The following TANGO6 variants were observed in gnomAD, a reference collection of about 807,000 sequenced individuals.
TANGO6 encodes transport and golgi organization 6 homolog, also known as transport and Golgi organization protein 6 homolog.
In TANGO6, 90 loss-of-function variants were observed where a neutral mutation model predicts 114.2. That is an observed-to-expected ratio of 0.79 (90% confidence interval 0.66 to 0.94). TANGO6 has a LOEUF of 0.94. TANGO6 is among the 40% of genes least tolerant of loss of function. TANGO6 has a pLI of 0.00. For missense variants in TANGO6, 1,274 were observed against 1,315.3 expected (o/e 0.97, Z 0.49); for synonymous variants, 477 against 509.8 (o/e 0.94, Z 0.87).
At chr16:69,023,077 A>G (rs1959439737) in intron 16 of TANGO6, 98 bp downstream of exon 16, 2 of 1,281,858 alleles carry the variant, frequency 1.6e-6, no homozygotes, top group East Asian at 5.3e-5. Flanking sequence ...CTTTTTGCAG[A>G]TCTGCCACTG....
chr16:68,999,456 T>A (rs1964020480), intron 15 of TANGO6, among the ~76,000 whole-genome samples: 1 of 152,210 alleles, frequency 6.6e-6, no homozygotes, highest in South Asian at 2.1e-4. Context: ...TTTGAAAGCA[T>A]GCCATTCCAG....
chr16:69,062,787 TAAAAAAA>T (rs35731381), intron 17 of TANGO6, among the ~76,000 whole-genome samples: 58 of 113,728 alleles, frequency 5.1e-4, no homozygotes, highest in African/African-American at 1.7e-3. Context: ...AAAAGAAATT[TAAAAAAA>T]AAAAAAAAAA....
intron 17 of TANGO6, among the ~76,000 whole-genome samples, chr16:69,048,608 A>G (rs1401894155): frequency 2.0e-5 from 3 of 152,130 alleles, no homozygotes; most frequent in African/African-American, 4.8e-5. Context: ...TTTTAATCAC[A>G]TGAGCTCAGT....
At chr16:69,022,644 C>T (rs1272649236) in intron 15 of TANGO6, among the ~76,000 whole-genome samples, 184 bp from the exon 16 acceptor site, 1 of 151,698 alleles carries the variant, frequency 6.6e-6, no homozygotes, top group Non-Finnish European at 1.5e-5. Flanking sequence ...GTCAAGGCTG[C>T]AGTGAGCTGT....
At chr16:68,915,170 T>A (rs1295947707) in intron 11 of TANGO6, among the ~76,000 whole-genome samples, 1 of 127,204 alleles carries the variant, frequency 7.9e-6, no homozygotes, top group African/African-American at 3.2e-5. Context: ...CTAAACTCTG[T>A]CTCAAAAAAA....
At chr16:68,907,715 A>G (rs536731121) in intron 10 of TANGO6, 140 bp downstream of exon 10, 2 of 1,069,380 alleles carry the variant, frequency 1.9e-6, no homozygotes, top group African/African-American at 3.2e-5. Context: ...ACATAAAGGA[A>G]TTTATTTTTT....
intron 17 of TANGO6, among the ~76,000 whole-genome samples, chr16:69,074,804 G>C (rs1597081070): frequency 8.4e-6 from 1 of 118,846 alleles, no homozygotes; most frequent in Non-Finnish European, 1.8e-5. Context: ...ATGCCTGTGT[G>C]TGTGTGTGTG....
At chr16:68,913,073 C>CAAA (rs979992402) in intron 11 of TANGO6, among the ~76,000 whole-genome samples, 1 of 72,092 alleles carries the variant, frequency 1.4e-5, no homozygotes, top group Non-Finnish European at 2.8e-5. Flanking sequence ...GAGTGAGACT[C>CAAA]AAAAAAAAAA....
In TANGO6 at chr16:68,862,979, G is replaced by C; in HGVS notation, c.770G>C (p.Gly257Ala). Reference protein sequence around the residue: ...LTEEERTLSRGALRDMLDQVY... With the variant: ...LTEEERTLSRAALRDMLDQVY... ...GAAGAGGAGAGAACCCTATCCAGGG[G>C]GGCCTTGAGAGACATGCTGGATCAA... Residue 257 changes from glycine to alanine, a missense_variant, in exon 3 of 18, where the codon GGG becomes GCG. By Grantham distance (60) the Gly-to-Ala change is moderately conservative. This residue lies in a region of TANGO6 where 908 missense variants were observed against 910.2 expected (regional missense o/e 1.00). Transcript: ENST00000261778. 6.3e-7 allele frequency: 1 copy of C among 1,599,836 alleles called. No individual in the cohort carries two copies. The highest frequency in any genetic ancestry group is 1.3e-5 in the African/African-American group (1 of 74,778).
intron 15 of TANGO6, among the ~76,000 whole-genome samples, chr16:68,988,957 G>T (rs1004867435): frequency 6.6e-6 from 1 of 151,970 alleles, no homozygotes; most frequent in African/African-American, 2.4e-5. Context: ...CCTCGACCTC[G>T]CAGCCTCAGG....
intron 15 of TANGO6, among the ~76,000 whole-genome samples, chr16:69,018,331 G>A (rs1371006211): frequency 6.6e-6 from 1 of 150,622 alleles, no homozygotes; most frequent in Non-Finnish European, 1.5e-5. Flanking sequence ...AATATTTTTA[G>A]TAGAGACGGG....
intron 6 of TANGO6, among the ~76,000 whole-genome samples, chr16:68,878,793 C>G (rs1340254801): frequency 6.6e-6 from 1 of 151,844 alleles, no homozygotes; most frequent in African/African-American, 2.4e-5. Context: ...AGAATCATGG[C>G]TGGGCGTGGT....
chr16:69,003,076 T>C (rs1597054188), intron 15 of TANGO6, among the ~76,000 whole-genome samples: 1 of 152,048 alleles, frequency 6.6e-6, no homozygotes, highest in Admixed American at 6.6e-5. Flanking sequence ...TCTTTTATCA[T>C]TAAACTTTAG....
At chr16:69,058,061 G>A (rs1362633519) in intron 17 of TANGO6, among the ~76,000 whole-genome samples, 3 of 152,140 alleles carry the variant, frequency 2.0e-5, no homozygotes, top group Non-Finnish European at 2.9e-5. Context: ...AACCTGATTC[G>A]GGGATTATTT....
intron 14 of TANGO6, among the ~76,000 whole-genome samples, chr16:68,936,174 A>G (rs1188641756): frequency 4.6e-5 from 7 of 152,194 alleles, no homozygotes; most frequent in African/African-American, 1.7e-4. Context: ...ACAGAGTGAC[A>G]CCTTATCTCA....
chr16:69,009,068 A>G (rs77405522), intron 15 of TANGO6, among the ~76,000 whole-genome samples: 32 of 73,166 alleles, frequency 4.4e-4, no homozygotes, highest in African/African-American at 1.6e-3. Flanking sequence ...AGGAGAGTTT[A>G]TTTCTTTTTT....
intron 13 of TANGO6, among the ~76,000 whole-genome samples, chr16:68,928,374 G>T (rs910209814): frequency 7.5e-6 from 1 of 132,760 alleles, no homozygotes; most frequent in African/African-American, 3.0e-5. Context: ...GTGCAATCTC[G>T]GCTCACTGCA....
At chr16:68,982,261 A>G (rs2152215427) in intron 15 of TANGO6, among the ~76,000 whole-genome samples, 1 of 152,316 alleles carries the variant, frequency 6.6e-6, no homozygotes, top group African/African-American at 2.4e-5. Flanking sequence ...GCCTCATTAT[A>G]TGAATGGCAT....
chr16:69,049,939 C>T (rs750721135), intron 17 of TANGO6, among the ~76,000 whole-genome samples: 1 of 152,084 alleles, frequency 6.6e-6, no homozygotes, highest in Non-Finnish European at 1.5e-5. Context: ...AATAAGATTC[C>T]ATCGTATAGG....
Sources: gnomAD v4.1 joint callset for allele counts (sites outside exome capture counted in the v4.1 genomes callset) on GRCh38, gnomAD v4.1.1 for gene constraint, gnomAD v4.1.1 regional missense constraint, MANE v1.5 for transcripts, NCBI Gene and HGNC (gene_info 2026-07-23, HGNC 2026-07-21) for gene names.